Variants in CAPN11 observed in about 807,000 individuals in gnomAD.
CAPN11 encodes the protein calpain-11.
A neutral mutation model predicts 105.3 loss-of-function variants in CAPN11; 108 were observed. That is an observed-to-expected ratio of 1.03 (90% CI 0.88 to 1.20). CAPN11 has a LOEUF of 1.20. CAPN11 is among the 50% of genes most tolerant of loss of function. The pLI is 0.00. For synonymous variants in CAPN11, 329 were observed against 344.5 expected, an observed-to-expected ratio of 0.96 and a Z score of 0.50; for missense variants, 883 against 924.8, an observed-to-expected ratio of 0.95 and a Z score of 0.59.
At position 44,184,137 on chromosome 6, in the gene CAPN11, CTT is replaced by C; in HGVS notation, c.*210_*211del. 3.4e-6 allele frequency: 2 copies of C among 591,030 alleles called. No homozygotes were observed. The highest frequency in any genetic ancestry group is 6.0e-6 in the Non-Finnish European group (2 of 333,408). The allele number at this position is 591,030 out of a possible 1,614,324, so 36.6% of individuals were successfully genotyped here. On this transcript the variant is annotated 3_prime_UTR_variant, in exon 23 of 23. Coordinates refer to ENST00000398776, the MANE Select transcript of CAPN11 (RefSeq NM_007058.4). ...CACTCCCCCAGCTCAGAGGCTTTCT[CTT>C]TTTTCCCCAACCCGGCTTCTGATGG... is the stretch of plus-strand genomic sequence containing the variant.
intron 1 of CAPN11, among the ~76,000 whole-genome samples, chr6:44,159,181 G>T (rs1334716442): frequency 6.6e-6 from 1 of 152,138 alleles, no homozygotes; most frequent in Non-Finnish European, 1.5e-5. Context: ...GAGAGGAGAG[G>T]GGCCGGCCAT....
intron 4 of CAPN11, 43 bp downstream of exon 4, chr6:44,170,018 A>C (rs1318108951): frequency 5.4e-6 from 8 of 1,493,116 alleles, no homozygotes; most frequent in Non-Finnish European, 7.4e-6. Flanking sequence ...GGGCAAGAGG[A>C]TTGGGGGAGG....
At chr6:44,182,668 C>T (rs1773979035) in intron 19 of CAPN11, among the ~76,000 whole-genome samples, 1 of 152,170 alleles carries the variant, frequency 6.6e-6, no homozygotes, top group African/African-American at 2.4e-5. Context: ...TCTCTGCTTA[C>T]TGTAACCTCC....
chr6:44,169,805 C>T (rs559211706), intron 3 of CAPN11, 101 bp from the exon 4 acceptor site: 12 of 967,130 alleles, frequency 1.2e-5, no homozygotes, highest in Non-Finnish European at 1.8e-5. Flanking sequence ...CATATCTGTT[C>T]CCCTGGAACT....
chr6:44,183,435 C>T (rs1230096408), intron 21 of CAPN11, among the ~76,000 whole-genome samples, 200 bp downstream of exon 21: 1 of 152,188 alleles, frequency 6.6e-6, no homozygotes, highest in Non-Finnish European at 1.5e-5. Flanking sequence ...TCCATTCCCT[C>T]CTCTTTAGAA....
At chr6:44,172,827 T>C (rs1582872679) in intron 5 of CAPN11, 113 bp from the exon 6 acceptor site, 1 of 1,231,944 alleles carries the variant, frequency 8.1e-7, no homozygotes, top group East Asian at 2.5e-5. Context: ...CCCTCTCTAT[T>C]CAGTGATTCT....
rs1774199409 is a variant in CAPN11 at position 44,183,993 on chromosome 6, G to C, written c.*61G>C. 6.5e-7 allele frequency: 1 copy of C among 1,540,514 alleles called. No homozygotes were observed. On this transcript the variant is annotated 3_prime_UTR_variant, in exon 23 of 23. Coordinates refer to ENST00000398776, the MANE Select transcript of CAPN11 (RefSeq NM_007058.4). The stretch of plus-strand genomic sequence containing the variant: ...CAGCAGCAGCGAGGTTCTAGCCCAG[G>C]AGGGTGGGGTGCTTCTTGTAGCCCT...
At chr6:44,176,182 G>A in intron 8 of CAPN11, 31 bp downstream of exon 8, 4 of 1,607,696 alleles carry the variant, frequency 2.5e-6, no homozygotes, top group Non-Finnish European at 3.4e-6. Flanking sequence ...CCTACCCTGA[G>A]GACCCTGAGA....
intron 19 of CAPN11, among the ~76,000 whole-genome samples, 187 bp downstream of exon 19, chr6:44,181,507 C>CTCACATACAGACACA (rs1773298762): frequency 7.2e-6 from 1 of 138,992 alleles, no homozygotes; most frequent in East Asian, 2.2e-4. Flanking sequence ...CACACACACA[C>CTCACATACAGACACA]ACTCACATAC....
intron 7 of CAPN11, 87 bp from the exon 8 acceptor site, chr6:44,175,981 A>C: frequency 2.7e-6 from 2 of 749,234 alleles, no homozygotes; most frequent in Non-Finnish European, 4.7e-6. Flanking sequence ...ATTAACCTGG[A>C]GAGCTCGCCC....
intron 5 of CAPN11, 53 bp from the exon 6 acceptor site, chr6:44,172,887 A>C: frequency 6.3e-7 from 1 of 1,588,034 alleles, no homozygotes; most frequent in Non-Finnish European, 8.6e-7. Context: ...GGCCACTAGG[A>C]GGCGCTTGAT....
chr6:44,166,494 T>A (rs1769878201), intron 1 of CAPN11, among the ~76,000 whole-genome samples: 1 of 152,136 alleles, frequency 6.6e-6, no homozygotes, highest in Non-Finnish European at 1.5e-5. Flanking sequence ...TCTGCTGTTA[T>A]AACTAGTCTC....
intron 19 of CAPN11, among the ~76,000 whole-genome samples, chr6:44,182,656 G>A (rs1429805457): frequency 6.6e-6 from 1 of 152,014 alleles, no homozygotes; most frequent in Non-Finnish European, 1.5e-5. Context: ...GCAGTGGTGC[G>A]ATCTCTGCTT....
intron 1 of CAPN11, among the ~76,000 whole-genome samples, chr6:44,162,995 G>C (rs1320083878): frequency 6.6e-6 from 1 of 152,176 alleles, no homozygotes; most frequent in Non-Finnish European, 1.5e-5. Context: ...ATGTGACACA[G>C]AGCATGGGCC....
At chr6:44,170,451 C>G (rs1770780675) in intron 4 of CAPN11, among the ~76,000 whole-genome samples, 1 of 152,110 alleles carries the variant, frequency 6.6e-6, no homozygotes, top group Non-Finnish European at 1.5e-5. Flanking sequence ...GCTCTCAGGT[C>G]TTTGCTGGCT....
In CAPN11 at chr6:44,166,849, G is replaced by C. The variant is rs769933683; in HGVS notation, c.88+20G>C. ...GTGCGGGTAGGACTGCAGACCCGTC[G>C]TGGCTCTGTGGCCTCCCTTTTTCTT... On this transcript the variant is annotated intron_variant, in intron 2 of 22. Coordinates refer to ENST00000398776, the MANE Select transcript of CAPN11 (RefSeq NM_007058.4). 3 of 1,500,900 alleles carry C rather than the reference G, an allele frequency of 2.0e-6. No individual in the cohort carries two copies. 93.0% of individuals were successfully genotyped at this position (1,500,900 alleles called of 1,614,324 possible).
intron 7 of CAPN11, among the ~76,000 whole-genome samples, chr6:44,174,669 G>C (rs899295949): frequency 7.0e-6 from 1 of 143,718 alleles, no homozygotes; most frequent in African/African-American, 2.6e-5. Context: ...ACCCAGGCTG[G>C]AGTGCAGTGA....
In CAPN11 at chr6:44,180,981, T is replaced by C. The variant is rs199874769; in HGVS notation, c.1853T>C (p.Met618Thr). Residue 618 changes from methionine to threonine, a missense_variant, in exon 18 of 23, where the codon ATG (methionine) becomes ACG (threonine). Met to Thr is a moderately conservative substitution (Grantham distance 81). Coordinates refer to ENST00000398776, the MANE Select transcript of CAPN11 (RefSeq NM_007058.4). ...KGFGLDACRC[M>T]INLMDKDGSG... is the part of the protein sequence containing the mutation. ...TTTGGCCTGGATGCTTGCCGCTGCA[T>C]GATCAACCTCATGGATGTATCCTCC... The C allele has an allele frequency of 9.6e-4, 1,556 of 1,613,434 alleles. No individual in the cohort carries two copies. Among genetic ancestry groups the C allele is most frequent in the Non-Finnish European group, 1.3e-3 (1,492 of 1,179,536 alleles).
chr6:44,177,112 G>A, intron 11 of CAPN11, 114 bp downstream of exon 11: 1 of 1,477,770 alleles, frequency 6.8e-7, no homozygotes, highest in Non-Finnish European at 9.2e-7. Context: ...ATGAGGTCAA[G>A]GGTTAGTCAG....
Sources: gnomAD v4.1 joint callset for allele counts (sites outside exome capture counted in the v4.1 genomes callset) on GRCh38, gnomAD v4.1.1 for gene constraint, MANE v1.5 for transcripts, NCBI Gene and HGNC (gene_info 2026-07-23, HGNC 2026-07-21) for gene names.